The following OR52N4 variants were observed in gnomAD, a reference collection of about 807,000 sequenced individuals.
OR52N4 encodes olfactory receptor family 52 subfamily N member 4.
A neutral mutation model predicts 15.0 loss-of-function variants in OR52N4; 15 were observed. The ratio of observed to expected loss-of-function variants is 1.00; its 90% CI spans 0.67 to 1.54. OR52N4 has a LOEUF of 1.54. Ranked by LOEUF, OR52N4 falls within the 40% of genes most tolerant of loss-of-function variation. OR52N4 has a pLI of 0.00. For missense variants in OR52N4, 421 were observed against 394.0 expected, an observed-to-expected ratio of 1.07 and a Z score of -0.58; for synonymous variants, 143 against 143.7, an observed-to-expected ratio of 1.00 and a Z score of 0.03.
the OR52N4 span, chr11:5,734,166 T>C: frequency 4.4e-6 from 2 of 456,508 alleles, no homozygotes; most frequent in Non-Finnish European, 8.8e-6. Context: ...CATAAAGTTC[T>C]GTCTTTGCCC....
chr11:5,729,253 AGGACTACAG>A, the OR52N4 span, among the ~76,000 whole-genome samples: 1 of 149,832 alleles, frequency 6.7e-6, no homozygotes, highest in Non-Finnish European at 1.5e-5. Flanking sequence ...CCGAGTAGCT[AGGACTACAG>A]GCACCCGCCA....
chr11:5,737,633 G>T, the OR52N4 span: 2 of 741,930 alleles, frequency 2.7e-6, no homozygotes, highest in South Asian at 3.6e-5. Flanking sequence ...CTTCAGAAAA[G>T]ATACAAAAAA....
chr11:5,747,749 C>A, the OR52N4 span, among the ~76,000 whole-genome samples: 1 of 151,918 alleles, frequency 6.6e-6, no homozygotes, highest in Non-Finnish European at 1.5e-5. Context: ...AATGAGATCA[C>A]TCAATACCAT....
At chr11:5,739,523 T>G in the OR52N4 span, among the ~76,000 whole-genome samples, 40 of 103,528 alleles carry the variant, frequency 3.9e-4, 6 homozygotes, top group Admixed American at 2.4e-3. Context: ...GATCACACCA[T>G]TGCACTCCAA....
At chr11:5,742,032 T>C in the OR52N4 span, among the ~76,000 whole-genome samples, 2 of 151,902 alleles carry the variant, frequency 1.3e-5, no homozygotes, top group Non-Finnish European at 2.9e-5. Context: ...AAGCTTTAAA[T>C]GAGACCAAGC....
chr11:5,754,642 G>A (rs1854257662), intron 1 of OR52N4, 51 bp from the exon 2 acceptor site: 1 of 1,285,156 alleles, frequency 7.8e-7, no homozygotes, highest in Non-Finnish European at 1.1e-6. Flanking sequence ...GGGGGAGAGG[G>A]AGACAGTAAA....
chr11:5,745,376 G>A, the OR52N4 span, among the ~76,000 whole-genome samples: 1 of 152,004 alleles, frequency 6.6e-6, no homozygotes, highest in Non-Finnish European at 1.5e-5. Flanking sequence ...AAAGTACAAA[G>A]ATCAGTAGCA....
chr11:5,734,046 C>A, the OR52N4 span: 1 of 400,062 alleles, frequency 2.5e-6, no homozygotes, highest in Non-Finnish European at 4.9e-6. Flanking sequence ...ATCTATTATG[C>A]TTAGGTCACT....
At chr11:5,732,010 C>T in the OR52N4 span, among the ~76,000 whole-genome samples, 1 of 151,926 alleles carries the variant, frequency 6.6e-6, no homozygotes, top group Admixed American at 6.6e-5. Flanking sequence ...ACATAACTAT[C>T]ACCTCATAAA....
chr11:5,729,963 G>T, the OR52N4 span, among the ~76,000 whole-genome samples: 1 of 151,922 alleles, frequency 6.6e-6, no homozygotes, highest in African/African-American at 2.4e-5. Context: ...GTTACTTCTT[G>T]GATGTCTCCT....
At chr11:5,745,317 A>T in the OR52N4 span, among the ~76,000 whole-genome samples, 128,451 of 152,082 alleles carry the variant, frequency 0.84, 54,423 homozygotes, top group Non-Finnish European at 0.86. Flanking sequence ...CATCCAAAAG[A>T]CTCCTAGACT....
At chr11:5,738,527 T>C in the OR52N4 span, 11 of 152,176 alleles carry the variant, frequency 7.2e-5, no homozygotes, top group African/African-American at 2.6e-4. Context: ...AAACTCACAT[T>C]TCTTTGTGCC....
chr11:5,751,741 G>A (rs1017526025), upstream of OR52N4, among the ~76,000 whole-genome samples: 4 of 152,076 alleles, frequency 2.6e-5, no homozygotes, highest in Non-Finnish European at 5.9e-5. Context: ...ACCAGACACT[G>A]TCCTTACATC....
chr11:5,733,414 G>C, the OR52N4 span, among the ~76,000 whole-genome samples: 2 of 151,860 alleles, frequency 1.3e-5, no homozygotes, highest in African/African-American at 2.4e-5. Context: ...AAAGATTCCT[G>C]GATAAAAAGT....
chr11:5,739,742 C>T, the OR52N4 span, among the ~76,000 whole-genome samples: 3 of 128,346 alleles, frequency 2.3e-5, 1 homozygote, highest in African/African-American at 8.4e-5. Flanking sequence ...GCATTGTTGA[C>T]TGACATCCTC....
At chr11:5,730,039 A>ATT in the OR52N4 span, among the ~76,000 whole-genome samples, 2 of 151,826 alleles carry the variant, frequency 1.3e-5, no homozygotes, top group Admixed American at 1.3e-4. Flanking sequence ...AACCTTAGTG[A>ATT]TTTTTTTTAA....
At chr11:5,737,091 G>T in the OR52N4 span, 1 of 1,613,914 alleles carries the variant, frequency 6.2e-7, no homozygotes, top group African/African-American at 1.3e-5. Context: ...TCTAACCTTG[G>T]GGTCACAAGC....
the OR52N4 span, among the ~76,000 whole-genome samples, chr11:5,729,114 A>ATTTTTTTTTTTT: frequency 6.0e-5 from 5 of 82,918 alleles, no homozygotes; most frequent in Non-Finnish European, 6.6e-5. Flanking sequence ...TTAAATTGAG[A>ATTTTTTTTTTTT]TTTTTTTTTT....
chr11:5,742,013 T>C, the OR52N4 span, among the ~76,000 whole-genome samples: 2 of 151,972 alleles, frequency 1.3e-5, no homozygotes, highest in Admixed American at 1.3e-4. Context: ...AATTACAAAA[T>C]ACAGTTGAAA....
Sources: gnomAD v4.1 joint callset for allele counts (sites outside exome capture counted in the v4.1 genomes callset) on GRCh38, gnomAD v4.1.1 for gene constraint, MANE v1.5 for transcripts, NCBI Gene and HGNC (gene_info 2026-07-23, HGNC 2026-07-21) for gene names.